The following DCDC1 variants were observed in gnomAD, a reference collection of about 807,000 sequenced individuals.
The protein encoded by DCDC1 is doublecortin domain containing 1, also known as doublecortin domain-containing protein 1.
Under a neutral mutation model 178.3 loss-of-function variants are expected in DCDC1, and 200 were observed. That is an observed-to-expected ratio of 1.12 (90% CI 1.00 to 1.26). The LOEUF (loss-of-function observed/expected upper bound fraction) is 1.26, where lower values mean the gene tolerates loss of function less well. Among genes scored for constraint, DCDC1 ranks in the 50% most tolerant of loss-of-function variants. DCDC1 has a pLI of 0.00. For synonymous variants in DCDC1, 690 were observed against 604.8 expected, an observed-to-expected ratio of 1.14 and a Z score of -2.07; for missense variants, 1,983 against 1,749.2, an observed-to-expected ratio of 1.13 and a Z score of -2.38.
At chr11:31,246,027 T>A (rs182776641) in intron 8 of DCDC1, among the ~76,000 whole-genome samples, 3 of 151,998 alleles carry the variant, frequency 2.0e-5, no homozygotes, top group Admixed American at 2.0e-4. Flanking sequence ...TATTCTGTCA[T>A]GATCTATACC....
intron 9 of DCDC1, among the ~76,000 whole-genome samples, chr11:31,217,891 T>C (rs1455143412): frequency 6.6e-6 from 1 of 152,142 alleles, no homozygotes; most frequent in Non-Finnish European, 1.5e-5. Context: ...TTTTTCATAA[T>C]GTGTACTCTA....
intron 17 of DCDC1, among the ~76,000 whole-genome samples, chr11:31,082,216 A>G (rs1470291092): frequency 6.6e-6 from 1 of 152,194 alleles, no homozygotes; most frequent in African/African-American, 2.4e-5. Flanking sequence ...GAGAGACTTG[A>G]GTTCTAGTCC....
intron 9 of DCDC1, among the ~76,000 whole-genome samples, chr11:31,170,076 ATAT>A (rs796100061): frequency 2.4e-4 from 37 of 152,302 alleles, no homozygotes; most frequent in African/African-American, 8.7e-4. Context: ...AAAAAGTGAC[ATAT>A]TATTCAAAAT....
chr11:31,134,538 G>A (rs907033805), intron 10 of DCDC1, among the ~76,000 whole-genome samples: 2 of 152,174 alleles, frequency 1.3e-5, no homozygotes, highest in African/African-American at 4.8e-5. Context: ...ATTTCAGTCT[G>A]ACAGATTTCT....
intron 7 of DCDC1, among the ~76,000 whole-genome samples, chr11:31,288,380 T>G (rs1174220269): frequency 6.6e-5 from 10 of 151,996 alleles, no homozygotes; most frequent in African/African-American, 2.2e-4. Flanking sequence ...AGATGTGCTA[T>G]AATTCCGGTA....
chr11:31,109,773 G>A (rs548492700), intron 12 of DCDC1, among the ~76,000 whole-genome samples: 27 of 152,256 alleles, frequency 1.8e-4, no homozygotes, highest in African/African-American at 6.5e-4. Flanking sequence ...GAGCATGTTG[G>A]TTCTGCCTGA....
chr11:30,900,890 T>C (rs1236343574), intron 32 of DCDC1, among the ~76,000 whole-genome samples: 2 of 152,150 alleles, frequency 1.3e-5, no homozygotes, highest in South Asian at 2.1e-4. Flanking sequence ...AATAATAATA[T>C]CTCATTCTGC....
intron 2 of DCDC1, among the ~76,000 whole-genome samples, chr11:31,330,981 G>A (rs1434971630): frequency 6.6e-6 from 1 of 152,150 alleles, no homozygotes; most frequent in Non-Finnish European, 1.5e-5. Context: ...ATTACCTTGG[G>A]CAGTATGGTC....
intron 22 of DCDC1, among the ~76,000 whole-genome samples, chr11:30,928,199 C>T (rs1296399098): frequency 6.6e-6 from 1 of 152,040 alleles, no homozygotes; most frequent in African/African-American, 2.4e-5. Flanking sequence ...CTCTCTCTTA[C>T]TTCTTCTCCT....
chr11:31,167,108 T>A (rs539866600), intron 9 of DCDC1, among the ~76,000 whole-genome samples: 42 of 152,302 alleles, frequency 2.8e-4, no homozygotes, highest in South Asian at 1.9e-3. Context: ...TAGGTGGAAC[T>A]ATTATGCAAC....
chr11:30,922,709 G>T, intron 23 of DCDC1, 71 bp from the exon 24 acceptor site: 5 of 1,375,238 alleles, frequency 3.6e-6, no homozygotes, highest in Non-Finnish European at 4.7e-6. Context: ...ATCTAAACTG[G>T]AAACAATTAA....
At chr11:31,323,103 A>G (rs1003309131) in intron 3 of DCDC1, among the ~76,000 whole-genome samples, 4 of 152,200 alleles carry the variant, frequency 2.6e-5, no homozygotes, top group Non-Finnish European at 5.9e-5. Context: ...ATAAGCATAA[A>G]ATGACATGGA....
chr11:30,938,823 A>G (rs1372637823), intron 21 of DCDC1, among the ~76,000 whole-genome samples: 1 of 152,042 alleles, frequency 6.6e-6, no homozygotes, highest in Non-Finnish European at 1.5e-5. Flanking sequence ...TTCCCAGTGA[A>G]TTATCTGTGG....
rs1958884506 is a variant in DCDC1, at chr11:31,106,886, C to CCG, written c.1660_1661dup (p.Leu555GlyfsTer16). ...TTTCTTGGCCATTCTCATCAAAAAG[C>CCG]CGCATTGAAGAATAATTGAGGCCTG... On this transcript the variant is annotated frameshift_variant, in exon 13 of 39. Coordinates refer to ENST00000684477, the MANE Select transcript of DCDC1 (RefSeq NM_001387274.1). LOFTEE classifies it high-confidence loss of function. The CCG allele has an allele frequency of 1.3e-6, 1 of 765,950 alleles. No homozygotes were observed. Among genetic ancestry groups the CCG allele is most frequent in the African/African-American group, 1.7e-5 (1 of 59,070 alleles). The allele number at this position is 765,950 out of a possible 1,614,324, so 47.4% of individuals were successfully genotyped here.
intron 20 of DCDC1, among the ~76,000 whole-genome samples, chr11:30,972,661 CA>C (rs1000190062): frequency 2.0e-5 from 3 of 151,808 alleles, no homozygotes; most frequent in Non-Finnish European, 4.4e-5. Context: ...AAAAAGAAAA[CA>C]AAAAAAGAAT....
chr11:31,169,937 G>C (rs1231571473), intron 9 of DCDC1, among the ~76,000 whole-genome samples: 1 of 152,150 alleles, frequency 6.6e-6, no homozygotes, highest in African/African-American at 2.4e-5. Flanking sequence ...ATAAGCTAAG[G>C]CTCAAAGAAG....
At chr11:30,952,330 T>C (rs1348780640) in intron 21 of DCDC1, 115 bp downstream of exon 21, 6 of 886,468 alleles carry the variant, frequency 6.8e-6, no homozygotes, top group Non-Finnish European at 1.6e-6. Flanking sequence ...AAGTTTGATA[T>C]CTTGCACCTA....
chr11:31,154,109 ACTCT>A (rs201507900), intron 9 of DCDC1, among the ~76,000 whole-genome samples: 3 of 149,970 alleles, frequency 2.0e-5, no homozygotes, highest in Non-Finnish European at 3.0e-5. Flanking sequence ...ACTTCCCCTC[ACTCT>A]CTCTCTCCTG....
At chr11:31,214,784 G>A (rs1973330584) in intron 9 of DCDC1, among the ~76,000 whole-genome samples, 1 of 151,848 alleles carries the variant, frequency 6.6e-6, no homozygotes, top group South Asian at 2.1e-4. Flanking sequence ...CTTTGTCAAG[G>A]GAAAGAGATT....
Sources: gnomAD v4.1 joint callset for allele counts (sites outside exome capture counted in the v4.1 genomes callset) on GRCh38, gnomAD v4.1.1 for gene constraint, MANE v1.5 for transcripts, NCBI Gene and HGNC (gene_info 2026-07-23, HGNC 2026-07-21) for gene names.